Variants in DLG2 observed in about 807,000 individuals in gnomAD.
DLG2 encodes discs large MAGUK scaffold protein 2, also known as disks large homolog 2.
In DLG2, 45 loss-of-function variants were observed where a neutral mutation model predicts 132.5. The observed-to-expected ratio is 0.34, with a 90% CI of 0.27 to 0.44. The LOEUF (loss-of-function observed/expected upper bound fraction) is 0.44, where lower values mean the gene tolerates loss of function less well. Among genes scored for constraint, DLG2 ranks in the 20% least tolerant of loss-of-function variants. DLG2 has a pLI of 1.00. For missense variants in DLG2, 1,045 were observed against 1,196.9 expected, an observed-to-expected ratio of 0.87 and a Z score of 1.87; for synonymous variants, 424 against 419.6, an observed-to-expected ratio of 1.01 and a Z score of -0.13.
At chr11:84,800,673 A>G (rs1350144946) in intron 6 of DLG2, 1 of 152,152 alleles carries the variant, frequency 6.6e-6, no homozygotes, top group East Asian at 1.9e-4. Context: ...TATTATTTTG[A>G]TGAGTAAATA....
intron 16 of DLG2, among the ~76,000 whole-genome samples, chr11:83,860,434 G>T (rs1283218990): frequency 1.3e-5 from 2 of 152,182 alleles, no homozygotes; most frequent in Non-Finnish European, 2.9e-5. Flanking sequence ...GGAGCTTTAA[G>T]ATTTGACTGC....
intron 10 of DLG2, among the ~76,000 whole-genome samples, chr11:84,067,152 G>A (rs1042521180): frequency 6.6e-6 from 1 of 151,918 alleles, no homozygotes; most frequent in African/African-American, 2.4e-5. Flanking sequence ...GACCAACATG[G>A]TGAAACCCCA....
At chr11:84,223,014 C>T (rs955304471) in intron 8 of DLG2, among the ~76,000 whole-genome samples, 2 of 152,192 alleles carry the variant, frequency 1.3e-5, no homozygotes, top group Non-Finnish European at 2.9e-5. Flanking sequence ...AAACCTTCCT[C>T]CAGTGTGGTG....
chr11:85,106,708 C>G (rs2071812108), intron 6 of DLG2, among the ~76,000 whole-genome samples: 1 of 151,868 alleles, frequency 6.6e-6, no homozygotes, highest in Non-Finnish European at 1.5e-5. Flanking sequence ...TACATAAACT[C>G]AGATTAGGTA....
intron 7 of DLG2, among the ~76,000 whole-genome samples, chr11:84,367,557 T>G (rs948166576): frequency 6.6e-6 from 1 of 152,160 alleles, no homozygotes; most frequent in African/African-American, 2.4e-5. Flanking sequence ...TATTAAGAGC[T>G]GAGGCCTTTG....
Position 83,962,891 on chromosome 11 carries a change from T to C in DLG2, c.1334A>G (p.Tyr445Cys), listed in dbSNP as rs768749118. Residue 445 changes from tyrosine to cysteine, a missense_variant, in exon 14 of 28, where the codon TAC (tyrosine) becomes TGC (cysteine). Transcript: ENST00000376104. The part of the protein sequence containing the change: ...IPKHMLVDDD[Y>C]TRPPEPVYST... ...ACTAACAGGCATATCTGACCTGGTG[T>C]AGTCGTCGTCAACAAGCATGTGCTT... The C allele has an allele frequency of 1.9e-6, 3 of 1,612,842 alleles. No individual in the cohort carries two copies. The Admixed American group carries it at 5.0e-5, about 27-fold the overall frequency.
intron 6 of DLG2, among the ~76,000 whole-genome samples, chr11:85,019,605 G>A (rs2059861906): frequency 6.6e-6 from 1 of 152,044 alleles, no homozygotes; most frequent in Non-Finnish European, 1.5e-5. Flanking sequence ...TTCTCCTAAT[G>A]CTATACCTCC....
chr11:83,749,048 T>C (rs1236346280), intron 18 of DLG2, among the ~76,000 whole-genome samples: 1 of 152,184 alleles, frequency 6.6e-6, no homozygotes, highest in African/African-American at 2.4e-5. Context: ...AGCTGCAGTA[T>C]GTAGTTCATT....
At chr11:83,906,320 C>CACACACA (rs2074960635) in intron 15 of DLG2, among the ~76,000 whole-genome samples, 1 of 138,674 alleles carries the variant, frequency 7.2e-6, no homozygotes, top group Non-Finnish European at 1.5e-5. Context: ...CACACACACA[C>CACACACA]CTCGGCCTCC....
intron 3 of DLG2, among the ~76,000 whole-genome samples, chr11:85,513,782 C>T (rs746171945): frequency 2.6e-5 from 4 of 151,904 alleles, no homozygotes; most frequent in South Asian, 4.1e-4. Flanking sequence ...AATAACAACA[C>T]CTATTTGATA....
At chr11:85,602,558 AT>A (rs761963378) in intron 2 of DLG2, among the ~76,000 whole-genome samples, 45 of 151,980 alleles carry the variant, frequency 3.0e-4, no homozygotes, top group Non-Finnish European at 6.2e-4. Flanking sequence ...TTGAATTCTG[AT>A]TTTTTTGTAG....
chr11:84,982,305 T>C (rs2055872221), intron 6 of DLG2, among the ~76,000 whole-genome samples: 2 of 152,116 alleles, frequency 1.3e-5, no homozygotes, highest in Admixed American at 6.6e-5. Flanking sequence ...ACATACATCA[T>C]GCCTAATACT....
At chr11:84,481,688 G>C (rs1397235062) in intron 7 of DLG2, among the ~76,000 whole-genome samples, 1 of 152,036 alleles carries the variant, frequency 6.6e-6, no homozygotes, top group African/African-American at 2.4e-5. Context: ...TTTGTTTCTA[G>C]CTCTGTGCCC....
intron 19 of DLG2, among the ~76,000 whole-genome samples, chr11:83,624,832 C>G (rs928217850): frequency 6.6e-6 from 1 of 152,112 alleles, no homozygotes; most frequent in South Asian, 2.1e-4. Context: ...AAGTATAAAA[C>G]AGAAGTTATA....
At chr11:85,114,004 G>A (rs940433063) in intron 5 of DLG2, among the ~76,000 whole-genome samples, 1 of 151,940 alleles carries the variant, frequency 6.6e-6, no homozygotes, top group African/African-American at 2.4e-5. Flanking sequence ...GGTCTCAAAA[G>A]AGCCTTCCAC....
At chr11:84,952,231 T>G (rs746540079) in intron 6 of DLG2, among the ~76,000 whole-genome samples, 6 of 152,304 alleles carry the variant, frequency 3.9e-5, no homozygotes, top group Middle Eastern at 6.8e-3. Context: ...TAGCATGACC[T>G]TTTTCTCAGT....
chr11:84,999,526 C>T (rs1448512355), intron 6 of DLG2, among the ~76,000 whole-genome samples: 1 of 152,068 alleles, frequency 6.6e-6, no homozygotes, highest in Non-Finnish European at 1.5e-5. Context: ...GAGCAATAGG[C>T]TCTTATTCCT....
chr11:83,977,434 C>T (rs916748887), intron 12 of DLG2, among the ~76,000 whole-genome samples: 1 of 152,030 alleles, frequency 6.6e-6, no homozygotes, highest in African/African-American at 2.4e-5. Flanking sequence ...TCGGAAAGTA[C>T]ACTACTGTAT....
chr11:84,436,125 T>G (rs951186175), intron 7 of DLG2, among the ~76,000 whole-genome samples: 1 of 152,168 alleles, frequency 6.6e-6, no homozygotes, highest in Non-Finnish European at 1.5e-5. Context: ...AGGCTTGTAA[T>G]CTTTTTATCT....
Sources: allele counts gnomAD v4.1 joint callset (sites outside exome capture counted in the v4.1 genomes callset), GRCh38; gene constraint gnomAD v4.1.1; transcripts MANE v1.5; gene names NCBI Gene and HGNC (gene_info 2026-07-23, HGNC 2026-07-21).